The following CIROZ variants were observed in gnomAD, a reference collection of about 807,000 sequenced individuals.
CIROZ encodes ciliated left-right organizer protein containing ZP-N domains, also known as ciliated left-right organizer ZP-N domains-containing protein.
chr1:10,958,720 A>G, the CIROZ span: 1 of 1,614,096 alleles, frequency 6.2e-7, no homozygotes, highest in Non-Finnish European at 8.5e-7. Flanking sequence ...TTACCTGTCT[A>G]TTGTCCCTCC....
chr1:10,954,252 G>C, the CIROZ span: 3 of 1,250,178 alleles, frequency 2.4e-6, no homozygotes, highest in South Asian at 4.3e-5. Context: ...TCAGGAGATC[G>C]AGACCATCTG....
At chr1:10,966,284 TTGA>T in the CIROZ span, 1 of 1,432,646 alleles carries the variant, frequency 7.0e-7, no homozygotes, top group Non-Finnish European at 9.1e-7. Context: ...GTCTCCTTAC[TTGA>T]TATCTGAGCT....
chr1:10,946,686 G>A, the CIROZ span: 1 of 152,264 alleles, frequency 6.6e-6, no homozygotes, highest in South Asian at 2.1e-4. Flanking sequence ...GGAGCCTGGG[G>A]ACAGCTGGGT....
At chr1:10,950,548 G>A in the CIROZ span, among the ~76,000 whole-genome samples, 2 of 152,306 alleles carry the variant, frequency 1.3e-5, no homozygotes, top group East Asian at 1.9e-4. Flanking sequence ...CCCAGGCAGC[G>A]TAGGCATTCC....
the CIROZ span, among the ~76,000 whole-genome samples, chr1:10,963,392 AAAAC>A: frequency 9.2e-5 from 14 of 152,092 alleles, no homozygotes; most frequent in African/African-American, 1.9e-4. Flanking sequence ...CCATCTCAAA[AAAAC>A]AAACAAACAA....
At chr1:10,956,081 C>T in the CIROZ span, among the ~76,000 whole-genome samples, 1 of 152,120 alleles carries the variant, frequency 6.6e-6, no homozygotes, top group African/African-American at 2.4e-5. Flanking sequence ...GAGCCCTGAT[C>T]CCGAAACTCA....
At chr1:10,970,682 G>A in the CIROZ span, among the ~76,000 whole-genome samples, 1 of 152,098 alleles carries the variant, frequency 6.6e-6, no homozygotes, top group East Asian at 1.9e-4. Context: ...TTAAAATACA[G>A]ATTCAGTAGG....
the CIROZ span, chr1:10,970,134 G>A: frequency 1.6e-5 from 22 of 1,414,030 alleles, no homozygotes; most frequent in Middle Eastern, 1.8e-4. Context: ...GGAAGGGAGG[G>A]AGGAAGGAAG....
chr1:10,964,264 T>C, the CIROZ span: 1 of 1,611,172 alleles, frequency 6.2e-7, no homozygotes, highest in Non-Finnish European at 8.5e-7. Flanking sequence ...CAGCCTGTAA[T>C]TTGCTTTCTG....
chr1:10,980,688 T>C, the CIROZ span, among the ~76,000 whole-genome samples: 12 of 151,732 alleles, frequency 7.9e-5, no homozygotes, highest in Non-Finnish European at 1.8e-4. Flanking sequence ...AGGTGGGGGG[T>C]AGACAGCTCT....
the CIROZ span, among the ~76,000 whole-genome samples, chr1:10,973,882 G>A: frequency 6.6e-6 from 1 of 152,130 alleles, no homozygotes; most frequent in African/African-American, 2.4e-5. Context: ...CTTCCCGGGT[G>A]CAGCGGCAGC....
At chr1:10,972,914 C>T in the CIROZ span, among the ~76,000 whole-genome samples, 1 of 78,112 alleles carries the variant, frequency 1.3e-5, no homozygotes, top group Non-Finnish European at 2.7e-5. Context: ...TAGCGAGATG[C>T]CCCCCCCATC....
chr1:10,962,200 C>A, the CIROZ span, among the ~76,000 whole-genome samples: 1 of 151,562 alleles, frequency 6.6e-6, no homozygotes, highest in Non-Finnish European at 1.5e-5. Context: ...AATCCCAGCA[C>A]TTTGGGAGGC....
At chr1:10,966,933 G>C in the CIROZ span, among the ~76,000 whole-genome samples, 1 of 151,998 alleles carries the variant, frequency 6.6e-6, no homozygotes, top group Non-Finnish European at 1.5e-5. Flanking sequence ...AGGATCACTT[G>C]AGCTCAGGAG....
At chr1:10,971,334 G>A in the CIROZ span, among the ~76,000 whole-genome samples, 12 of 150,980 alleles carry the variant, frequency 7.9e-5, no homozygotes, top group Admixed American at 3.3e-4. Context: ...TTCTTGACAC[G>A]GCAGCCACAA....
chr1:10,967,740 G>A, the CIROZ span, among the ~76,000 whole-genome samples: 1 of 152,192 alleles, frequency 6.6e-6, no homozygotes, highest in Non-Finnish European at 1.5e-5. Context: ...GGGAGGCCGA[G>A]GCGAGTGGAT....
chr1:10,952,240 G>A, the CIROZ span, among the ~76,000 whole-genome samples: 1 of 152,184 alleles, frequency 6.6e-6, no homozygotes, highest in Admixed American at 6.5e-5. Flanking sequence ...CAGGGGAGGT[G>A]TGCTGGGAAC....
the CIROZ span, chr1:10,948,772 T>G: frequency 6.6e-7 from 1 of 1,523,266 alleles, no homozygotes; most frequent in South Asian, 1.3e-5. Flanking sequence ...TGCACCACTC[T>G]GGGGAGAATG....
At chr1:10,950,532 A>G in the CIROZ span, among the ~76,000 whole-genome samples, 1 of 152,086 alleles carries the variant, frequency 6.6e-6, no homozygotes, top group Non-Finnish European at 1.5e-5. Flanking sequence ...TTCAGGTCAG[A>G]CTCAGCCCAG....
Sources: gnomAD v4.1 joint callset for allele counts (sites outside exome capture counted in the v4.1 genomes callset) on GRCh38, gnomAD v4.1.1 for gene constraint, MANE v1.5 for transcripts, NCBI Gene and HGNC (gene_info 2026-07-23, HGNC 2026-07-21) for gene names.